The following NRP2 variants were observed in gnomAD, a reference collection of about 807,000 sequenced individuals.
NRP2 encodes neuropilin-2.
Under a neutral mutation model 110.4 loss-of-function variants are expected in NRP2, and 52 were observed. The observed-to-expected ratio is 0.47, with a 90% CI of 0.38 to 0.59. The LOEUF is 0.59. Ranked by LOEUF, NRP2 falls within the 20% of genes least tolerant of loss-of-function variation. The probability of loss-of-function intolerance (pLI) is 0.00; values close to 1 mark genes in which losing one functional copy is unlikely to be tolerated. For missense variants in NRP2, 1,049 were observed against 1,203.0 expected (o/e 0.87, Z 1.89); for synonymous variants, 508 against 468.9 (o/e 1.08, Z -1.08).
At position 205,725,588 on chromosome 2, in the gene NRP2, T is replaced by C. The variant is rs2057111570; in HGVS notation, c.821-325T>C. On this transcript the variant is annotated intron_variant, in intron 5 of 16. Coordinates refer to ENST00000357785, the MANE Select transcript of NRP2 (RefSeq NM_003872.3). This position sits in a 1 kb window ranked among gnomAD's most constrained non-coding sequence, Gnocchi z 4.1. Reference sequence around the variant, plus strand: ...CGAGTCTATCTCACATTTACCTGTATTGCAGTAATGGTGCATCTGGCATCT... The same window carrying C: ...CGAGTCTATCTCACATTTACCTGTACTGCAGTAATGGTGCATCTGGCATCT... Among the ~76,000 whole-genome samples the C allele has an allele frequency of 1.3e-5, 2 of 152,358 alleles. No homozygotes were observed. Among genetic ancestry groups the C allele is most frequent in the Admixed American group, 6.5e-5 (1 of 15,310 alleles).
At chr2:205,713,977 C>T (rs1221821034) in intron 2 of NRP2, among the ~76,000 whole-genome samples, 1 of 152,174 alleles carries the variant, frequency 6.6e-6, no homozygotes, top group African/African-American at 2.4e-5. Context: ...GATTTCCATT[C>T]CCGCTGATAC....
chr2:205,767,168 A>G (rs1199733891), intron 15 of NRP2: 2 of 352,426 alleles, frequency 5.7e-6, no homozygotes, highest in East Asian at 1.4e-4. Context: ...AAATCAGTAT[A>G]AATTAAAAGT....
chr2:205,722,305 A>T (rs1049535373), intron 3 of NRP2, 173 bp from the exon 4 acceptor site: 2 of 658,846 alleles, frequency 3.0e-6, no homozygotes, highest in African/African-American at 3.6e-5. Context: ...TCCCTAATTT[A>T]TGAGGGCTTG....
chr2:205,787,986 CCGTAGTG>C (rs2058254458), intron 15 of NRP2, among the ~76,000 whole-genome samples: 1 of 151,954 alleles, frequency 6.6e-6, no homozygotes, highest in Non-Finnish European at 1.5e-5. Context: ...ACCCTTTGTG[CCGTAGTG>C]TTGCAATGTA....
At chr2:205,722,163 T>TACA in intron 3 of NRP2, 2 of 332,904 alleles carry the variant, frequency 6.0e-6, no homozygotes, top group African/African-American at 4.9e-5. Flanking sequence ...TCTCTCTCTC[T>TACA]CTCTCTCATA....
At chr2:205,737,814 T>G (rs1388775631) in intron 7 of NRP2, among the ~76,000 whole-genome samples, 1 of 152,200 alleles carries the variant, frequency 6.6e-6, no homozygotes, top group Non-Finnish European at 1.5e-5. Context: ...ACAAACTGTG[T>G]GCTTGCCTCC....
intron 15 of NRP2, among the ~76,000 whole-genome samples, chr2:205,789,290 C>T (rs1277779819): frequency 2.6e-5 from 4 of 152,176 alleles, no homozygotes; most frequent in African/African-American, 7.2e-5. Flanking sequence ...GAGACTGAAT[C>T]CACATGGGGG....
Position 205,743,212 on chromosome 2 carries a change from G to C in NRP2, c.1301G>C (p.Cys434Ser), listed in dbSNP as rs781119570. 6.2e-7 allele frequency: 1 copy of C among 1,612,418 alleles called. No individual in the cohort carries two copies. Among genetic ancestry groups the C allele is most frequent in the South Asian group, 1.1e-5 (1 of 91,082 alleles). The change falls in exon 9 of 17, where the codon TGC becomes TCC. Residue 434 changes from cysteine to serine, a missense_variant. By Grantham distance (112) the Cys-to-Ser change is moderately radical. Transcript: ENST00000357785. ...CCTCTCCTCTCTGCAGATGCTCCCT[G>C]CTCCAACATGCTGGGGATGCTCTCA... Reference protein sequence around the residue: ...LFGCRVTDAPCSNMLGMLSGL... With the variant: ...LFGCRVTDAPSSNMLGMLSGL...
At chr2:205,740,025 G>GT in intron 7 of NRP2, 1 of 257,902 alleles carries the variant, frequency 3.9e-6, no homozygotes. Context: ...GTCCGCTCAT[G>GT]GGTGGGATGG....
intron 3 of NRP2, 56 bp downstream of exon 3, chr2:205,716,430 G>A (rs1476069934): frequency 9.4e-6 from 15 of 1,592,348 alleles, no homozygotes; most frequent in Non-Finnish European, 1.3e-5. Context: ...AAGAAGGAGG[G>A]ACAGCACCCA....
chr2:205,795,095 A>G lies in NRP2; in HGVS notation c.*37A>G, dbSNP rs375895411. 2.0e-5 allele frequency: 31 copies of G among 1,586,430 alleles called. No individual in the cohort carries two copies. Among genetic ancestry groups the G allele is most frequent in the Middle Eastern group, 1.7e-4 (1 of 6,034 alleles). On this transcript the variant is annotated 3_prime_UTR_variant, in exon 17 of 17. Coordinates refer to ENST00000357785, the MANE Select transcript of NRP2 (RefSeq NM_003872.3). ...TGAATCCTATCTGACGTTTCATTCC[A>G]GCAAGAGGGGCTGGGGAAGATTACA...
In NRP2 at chr2:205,740,569, C is replaced by T. The variant is rs376163510; in HGVS notation, c.1197C>T (p.His399=). The T allele has an allele frequency of 2.4e-5, 38 of 1,614,196 alleles. No individual in the cohort carries two copies. Among genetic ancestry groups the T allele is most frequent in the East Asian group, 1.6e-4 (7 of 44,888 alleles). The change falls in exon 8 of 17, where the codon CAC becomes CAT. Residue 399 remains histidine (H), a synonymous_variant. Transcript: ENST00000357785. ...DATEVVLNKL[H]APLLTRFVRI... Reference sequence around the variant, plus strand: ...CTGAGGTGGTTCTGAACAAGCTCCACGCTCCACTGCTGACAAGGTTTGTTA... The same window carrying T: ...CTGAGGTGGTTCTGAACAAGCTCCATGCTCCACTGCTGACAAGGTTTGTTA...
At chr2:205,792,994 T>C (rs527318284) in intron 16 of NRP2, among the ~76,000 whole-genome samples, 20 of 152,292 alleles carry the variant, frequency 1.3e-4, no homozygotes, top group East Asian at 3.9e-4. Flanking sequence ...TAGACTAAGA[T>C]TGATGAATTT....
chr2:205,716,294 C>T lies in NRP2; in HGVS notation c.353C>T (p.Ser118Phe). ...IAPPTIISSG[S>F]MLYIKFTSDY... Reference sequence around the variant, plus strand: ...CCGCCCACCATCATCTCCTCGGGCTCCATGCTCTACATCAAGTTCACCTCC... The same window carrying T: ...CCGCCCACCATCATCTCCTCGGGCTTCATGCTCTACATCAAGTTCACCTCC... Residue 118 changes from serine to phenylalanine, a missense_variant, in exon 3 of 17, where the codon TCC (serine) becomes TTC (phenylalanine). Physicochemically the swap from Ser to Phe is radical, Grantham distance 155. Transcript: ENST00000357785. The T allele has an allele frequency of 6.2e-7, 1 of 1,614,186 alleles. No individual in the cohort carries two copies. Among genetic ancestry groups the T allele is most frequent in the Non-Finnish European group, 8.5e-7 (1 of 1,180,036 alleles).
At chr2:205,697,843 T>A in intron 2 of NRP2, 122 bp downstream of exon 2, 1 of 1,007,934 alleles carries the variant, frequency 9.9e-7, no homozygotes, top group Non-Finnish European at 1.6e-6. Context: ...CAGTGGTGGA[T>A]CCTGGCCCCA....
At chr2:205,728,120 G>A (rs543685765) in intron 7 of NRP2, 74 bp downstream of exon 7, 513 of 1,556,152 alleles carry the variant, frequency 3.3e-4, no homozygotes, top group Non-Finnish European at 4.2e-4. Context: ...GCTTTAAGCC[G>A]ACCTCCTACA....
chr2:205,752,641 C>T, intron 11 of NRP2, 194 bp from the exon 12 acceptor site: 1 of 611,096 alleles, frequency 1.6e-6, no homozygotes, highest in Non-Finnish European at 2.9e-6. Context: ...GGCTTTCATG[C>T]CTGGGAAGGA....
chr2:205,682,980 T>A lies in NRP2; in HGVS notation c.-311T>A. 1 of 336,562 alleles carries A rather than the reference T, an allele frequency of 3.0e-6. No individual in the cohort carries two copies. Among genetic ancestry groups the A allele is most frequent in the Non-Finnish European group, 5.5e-6 (1 of 181,274 alleles). The allele number at this position is 336,562 out of a possible 1,614,324, so 20.8% of individuals were successfully genotyped here. ...TTTCGGGAAATACTCGTGATATTTGTAGGATAAAGGAAATGACACTTTGAG... is the reference window on the plus strand; with the variant it reads ...TTTCGGGAAATACTCGTGATATTTGAAGGATAAAGGAAATGACACTTTGAG... On this transcript the variant is annotated 5_prime_UTR_variant, in exon 1 of 17. An upstream open reading frame in the 5' UTR gains an earlier in-frame stop. Coordinates refer to ENST00000357785, the MANE Select transcript of NRP2 (RefSeq NM_003872.3). This position sits in a 1 kb window ranked among gnomAD's most constrained non-coding sequence, Gnocchi z 4.3.
intron 16 of NRP2, 148 bp downstream of exon 16, chr2:205,792,433 A>C: frequency 1.5e-6 from 1 of 657,158 alleles, no homozygotes; most frequent in South Asian, 1.8e-5. Context: ...AAAATGAGGG[A>C]ACCATCAATG....
Sources: allele counts gnomAD v4.1 joint callset (sites outside exome capture counted in the v4.1 genomes callset), GRCh38; gene constraint gnomAD v4.1.1; non-coding constraint Gnocchi (gnomAD v3.1); transcripts MANE v1.5; gene names NCBI Gene and HGNC (gene_info 2026-07-23, HGNC 2026-07-21).